The following NID2 variants were observed in gnomAD, a reference collection of about 807,000 sequenced individuals.
The protein encoded by NID2 is nidogen 2, also known as nidogen-2.
A neutral mutation model predicts 145.4 loss-of-function variants in NID2; 83 were observed. The ratio of observed to expected loss-of-function variants is 0.57; its 90% CI spans 0.48 to 0.69. NID2 has a LOEUF of 0.69. NID2 is among the 30% of genes least tolerant of loss of function. The probability of loss-of-function intolerance (pLI) is 0.00; values close to 1 mark genes in which losing one functional copy is unlikely to be tolerated. For missense variants in NID2, 1,807 were observed against 1,765.7 expected (o/e 1.02, Z -0.42); for synonymous variants, 739 against 701.3 (o/e 1.05, Z -0.85).
intron 2 of NID2, among the ~76,000 whole-genome samples, chr14:52,067,347 A>T (rs138361917): frequency 7.2e-5 from 11 of 152,370 alleles, no homozygotes; most frequent in Admixed American, 2.6e-4. Context: ...GTTATAAAAC[A>T]GTATGTGCAG....
Position 52,040,870 on chromosome 14 carries a change from C to G in NID2, c.1826-19G>C. The G allele has an allele frequency of 1.2e-6, 2 of 1,611,692 alleles. No homozygotes were observed. The highest frequency in any genetic ancestry group is 1.7e-6 in the Non-Finnish European group (2 of 1,177,818). ...GCAGCACCTGGAGATGAAAAACATT[C>G]AGCACAGGGATGAAAAGAGGTCTTG... On this transcript the variant is annotated intron_variant, in intron 7 of 21. Transcript: ENST00000216286.
intron 5 of NID2, among the ~76,000 whole-genome samples, chr14:52,050,849 C>T (rs1036206401): frequency 2.6e-5 from 4 of 152,186 alleles, no homozygotes; most frequent in Admixed American, 2.0e-4. Flanking sequence ...CAGGGCAATT[C>T]TGAGGACTAA....
chr14:52,027,416 G>C (rs1891628926), intron 11 of NID2, 72 bp from the exon 12 acceptor site: 18 of 1,335,732 alleles, frequency 1.3e-5, no homozygotes, highest in Non-Finnish European at 1.7e-5. Flanking sequence ...CTCATGGCAT[G>C]ATCCACAGAC....
At chr14:52,059,968 C>T (rs957877408) in intron 3 of NID2, among the ~76,000 whole-genome samples, 156 bp downstream of exon 3, 4 of 152,170 alleles carry the variant, frequency 2.6e-5, no homozygotes, top group African/African-American at 9.7e-5. Flanking sequence ...GAACTTGATC[C>T]TTCCAGGGTT....
At chr14:52,064,820 C>T (rs1391909249) in intron 2 of NID2, among the ~76,000 whole-genome samples, 7 of 152,116 alleles carry the variant, frequency 4.6e-5, no homozygotes. Flanking sequence ...TCTTTTTAGC[C>T]CTTTCAACCT....
chr14:52,006,066 C>CA (rs1890767777), intron 20 of NID2: 3 of 543,876 alleles, frequency 5.5e-6, no homozygotes, highest in African/African-American at 1.9e-5. Flanking sequence ...GCTATCAAAT[C>CA]AGAGTTGTAG....
At chr14:52,005,929 G>C in intron 20 of NID2, 80 bp from the exon 21 acceptor site, 1 of 1,079,762 alleles carries the variant, frequency 9.3e-7, no homozygotes, top group Admixed American at 1.8e-5. Flanking sequence ...AAAATCAGTT[G>C]CAATAGAGGA....
In NID2 at chr14:52,011,601, C is replaced by T. The variant is rs955417276; in HGVS notation, c.3503G>A (p.Arg1168His). 40 of 1,614,092 alleles carry T rather than the reference C, an allele frequency of 2.5e-5. No individual in the cohort carries two copies. The highest frequency in any genetic ancestry group is 6.7e-5 in the East Asian group (3 of 44,902). Residue 1168 changes from arginine (R) to histidine (H), a missense_variant, in exon 17 of 22, where the codon CGT (arginine) becomes CAT (histidine). Arg to His is a conservative substitution (Grantham distance 29). Transcript: ENST00000216286. ...CTCTGCTCCCAGTTCCAGACCAGCACGGCTGATTGTCCGTCCAGCAACATC... is the reference window on the plus strand; with the variant it reads ...CTCTGCTCCCAGTTCCAGACCAGCATGGCTGATTGTCCGTCCAGCAACATC... The part of the protein sequence containing the change: ...WTDVAGRTIS[R>H]AGLELGAEPE...
chr14:52,022,501 G>A (rs1027522878), intron 12 of NID2, among the ~76,000 whole-genome samples: 2 of 152,120 alleles, frequency 1.3e-5, no homozygotes, highest in African/African-American at 2.4e-5. Context: ...TCAGCCCCCT[G>A]GCAAGGGAGG....
intron 2 of NID2, among the ~76,000 whole-genome samples, chr14:52,067,495 AT>A (rs975659934): frequency 1.3e-5 from 2 of 152,122 alleles, no homozygotes; most frequent in Non-Finnish European, 2.9e-5. Context: ...GTATTTTCTG[AT>A]TTTTTCCCCT....
Position 52,068,676 on chromosome 14 carries a change from T to C in NID2, c.228+91A>G. On this transcript the variant is annotated intron_variant, in intron 1 of 21. Coordinates refer to ENST00000216286, the MANE Select transcript of NID2 (RefSeq NM_007361.4). ...GTGCTGGGGGGCTCCAGGAGTGGGGTCTGTTTCCTCCCCTCTGGAGGCAGG... is the reference window on the plus strand; with the variant it reads ...GTGCTGGGGGGCTCCAGGAGTGGGGCCTGTTTCCTCCCCTCTGGAGGCAGG... 4.3e-6 allele frequency: 5 copies of C among 1,158,284 alleles called. No individual in the cohort carries two copies. In the South Asian group the frequency reaches 5.5e-5, roughly 13 times the overall value. 71.8% of individuals were successfully genotyped at this position (1,158,284 alleles called of 1,614,324 possible).
At chr14:52,024,958 G>A (rs183475761) in intron 12 of NID2, among the ~76,000 whole-genome samples, 18 of 152,190 alleles carry the variant, frequency 1.2e-4, no homozygotes, top group African/African-American at 1.9e-4. Context: ...TTAATATTCT[G>A]ATTAACACTC....
chr14:52,063,555 G>T (rs568832108), intron 2 of NID2, among the ~76,000 whole-genome samples: 1 of 152,300 alleles, frequency 6.6e-6, no homozygotes, highest in Admixed American at 6.5e-5. Context: ...ATTAACTGCA[G>T]CTATCTGGAC....
At chr14:52,023,929 G>C (rs750729928) in intron 12 of NID2, among the ~76,000 whole-genome samples, 1 of 152,166 alleles carries the variant, frequency 6.6e-6, no homozygotes, top group Non-Finnish European at 1.5e-5. Flanking sequence ...AAGAGCATGT[G>C]CTTTAACAAT....
intron 20 of NID2, 67 bp downstream of exon 20, chr14:52,006,470 A>T: frequency 1.9e-6 from 3 of 1,583,926 alleles, no homozygotes; most frequent in Non-Finnish European, 2.6e-6. Context: ...GACTTTTGGT[A>T]AAACAAGTGG....
intron 12 of NID2, among the ~76,000 whole-genome samples, chr14:52,022,923 G>C (rs1027867889): frequency 6.6e-6 from 1 of 152,064 alleles, no homozygotes; most frequent in Non-Finnish European, 1.5e-5. Flanking sequence ...TCCCAATAAA[G>C]GATTCAACCC....
Position 52,038,772 on chromosome 14 carries a change from C to G in NID2, c.2232G>C (p.Val744=), listed in dbSNP as rs1892165547. ...CTTTGACCGGGCCAATTTGATTGGT[C>G]ACAGCAAATCTAAGCACTCTTTCTT... ...NDEERVLRFA[V]TNQIGPVKED... Residue 744 remains valine, a synonymous_variant, in exon 9 of 22, where the codon GTG becomes GTC. Coordinates refer to ENST00000216286, the MANE Select transcript of NID2 (RefSeq NM_007361.4). The G allele has an allele frequency of 1.3e-6, 2 of 1,591,708 alleles. No individual in the cohort carries two copies. The highest frequency in any genetic ancestry group is 2.2e-5 in the East Asian group (1 of 44,478).
At chr14:52,020,009 T>C (rs770267164) in intron 13 of NID2, 50 bp downstream of exon 13, 6 of 1,603,848 alleles carry the variant, frequency 3.7e-6, no homozygotes, top group African/African-American at 1.3e-5. Flanking sequence ...AAAAATATCC[T>C]TGAAGGAGCT....
At chr14:52,021,162 TAAAAC>T (rs917343504) in intron 12 of NID2, among the ~76,000 whole-genome samples, 13 of 147,154 alleles carry the variant, frequency 8.8e-5, no homozygotes, top group South Asian at 6.6e-4. Context: ...TGGCTGAAAA[TAAAAC>T]AAAGCAGTAG....
Sources: allele counts gnomAD v4.1 joint callset (sites outside exome capture counted in the v4.1 genomes callset), GRCh38; gene constraint gnomAD v4.1.1; transcripts MANE v1.5; gene names NCBI Gene and HGNC (gene_info 2026-07-23, HGNC 2026-07-21).